UGCG: variants seen among roughly 807,000 people sequenced by gnomAD.
The protein encoded by UGCG is UDP-glucose ceramide glucosyltransferase, also known as ceramide glucosyltransferase.
In UGCG, 10 loss-of-function variants were observed where a neutral mutation model predicts 49.5. The ratio of observed to expected loss-of-function variants is 0.20; its 90% CI spans 0.12 to 0.34. The LOEUF is 0.34. Among genes scored for constraint, UGCG ranks in the 10% least tolerant of loss-of-function variants. The pLI, the probability that UGCG is intolerant of heterozygous loss-of-function variation, is 1.00. For synonymous variants in UGCG, 182 were observed against 158.2 expected, an observed-to-expected ratio of 1.15 and a Z score of -1.13; for missense variants, 312 against 483.7, an observed-to-expected ratio of 0.65 and a Z score of 3.33.
chr9:111,932,483 G>T, intron 8 of UGCG, 124 bp downstream of exon 8: 1 of 1,045,398 alleles, frequency 9.6e-7, no homozygotes, highest in South Asian at 1.9e-5. Context: ...GTTAGTCTCG[G>T]GTTTGAACAT....
At chr9:111,931,476 G>C in intron 7 of UGCG, 119 bp downstream of exon 7, 1 of 880,096 alleles carries the variant, frequency 1.1e-6, no homozygotes, top group South Asian at 1.8e-5. Context: ...TTTTTGTTTA[G>C]TTGCAGAAAA....
At chr9:111,915,242 G>C (rs2118542321) in intron 2 of UGCG, among the ~76,000 whole-genome samples, 1 of 152,250 alleles carries the variant, frequency 6.6e-6, no homozygotes, top group Non-Finnish European at 1.5e-5. Context: ...TTACTGTTCT[G>C]ATTTTAATAG....
In UGCG at chr9:111,921,700, G is replaced by A. The variant is rs1354278648; in HGVS notation, c.241-1149G>A. 2.7e-5 allele frequency among the ~76,000 whole-genome samples: 4 copies of A among 150,600 alleles called. No individual in the cohort carries two copies. In the South Asian group the frequency reaches 8.4e-4, roughly 31 times the overall value. On this transcript the variant is annotated intron_variant, in intron 2 of 8. Transcript: ENST00000374279. The stretch of plus-strand genomic sequence containing the variant: ...AATGGAAATTTAGGGGTTCAGTTCA[G>A]GATTTTATAAATCTGGCTGCATGTC...
At chr9:111,901,847 A>G (rs949898851) in intron 1 of UGCG, among the ~76,000 whole-genome samples, 2 of 152,152 alleles carry the variant, frequency 1.3e-5, no homozygotes, top group African/African-American at 4.8e-5. Context: ...ACTCGCTGGT[A>G]TCTCTAGCTG....
intron 1 of UGCG, among the ~76,000 whole-genome samples, chr9:111,909,014 G>A (rs1837944121): frequency 6.6e-6 from 1 of 152,124 alleles, no homozygotes; most frequent in Admixed American, 6.5e-5. Flanking sequence ...TGCCTCCCAG[G>A]TTCAAGTCAT....
chr9:111,925,342 A>C (rs896443437), intron 4 of UGCG, among the ~76,000 whole-genome samples: 1 of 152,254 alleles, frequency 6.6e-6, no homozygotes, highest in Non-Finnish European at 1.5e-5. Context: ...CCTTTCATAT[A>C]CTGAAATTAT....
At chr9:111,927,486 C>T (rs558304173) in intron 5 of UGCG, among the ~76,000 whole-genome samples, 1 of 151,654 alleles carries the variant, frequency 6.6e-6, no homozygotes, top group African/African-American at 2.4e-5. Context: ...GAGTCTCGCT[C>T]TGTCGCCCAG....
In UGCG at chr9:111,913,910, C is replaced by G. The variant is rs79718698; in HGVS notation, c.99-695C>G. On this transcript the variant is annotated intron_variant, in intron 1 of 8. Coordinates refer to ENST00000374279, the MANE Select transcript of UGCG (RefSeq NM_003358.3). ...CATCATTGAGTTTTTTTCTTACTTT[C>G]AGTTTCCTTCTGTTCTACCCCTGCC... 3.9e-3 allele frequency among the ~76,000 whole-genome samples: 586 copies of G among 152,188 alleles called. 3 individuals are homozygous for G. Among genetic ancestry groups the G allele is most frequent in the African/African-American group, 0.013 (530 of 41,542 alleles).
chr9:111,924,580 A>G (rs1838284344), intron 3 of UGCG, among the ~76,000 whole-genome samples, 197 bp from the exon 4 acceptor site: 2 of 152,184 alleles, frequency 1.3e-5, no homozygotes, highest in South Asian at 4.1e-4. Context: ...TCAAAGATAA[A>G]TGATACAGTT....
At chr9:111,928,642 G>C (rs1412556822) in intron 5 of UGCG, among the ~76,000 whole-genome samples, 2 of 152,144 alleles carry the variant, frequency 1.3e-5, no homozygotes, top group Non-Finnish European at 2.9e-5. Context: ...CTGGAGTCTG[G>C]GTTCAGGGTA....
At chr9:111,925,841 C>T (rs1018564392) in intron 4 of UGCG, among the ~76,000 whole-genome samples, 6 of 152,322 alleles carry the variant, frequency 3.9e-5, no homozygotes, top group South Asian at 2.1e-4. Flanking sequence ...ACAGATCTAT[C>T]AGCTGGTCAG....
At chr9:111,920,305 C>G (rs1485212201) in intron 2 of UGCG, among the ~76,000 whole-genome samples, 1 of 152,174 alleles carries the variant, frequency 6.6e-6, no homozygotes, top group African/African-American at 2.4e-5. Flanking sequence ...ATCTTATTAG[C>G]TAACCTTCTT....
rs982795125 is a variant in UGCG, at chr9:111,933,860, G to T, written c.*863G>T. 2.0e-5 allele frequency: 3 copies of T among 152,078 alleles called. No homozygotes were observed. Among genetic ancestry groups the T allele is most frequent in the South Asian group, 2.1e-4 (1 of 4,826 alleles). 9.4% of individuals were successfully genotyped at this position (152,078 alleles called of 1,614,324 possible). ...CTTCCCTTAACATTTTTTCAGGGGG[G>T]GTTGGGAGTGGTTTCATTTTAGTGT... On this transcript the variant is annotated 3_prime_UTR_variant, in exon 9 of 9. Coordinates refer to ENST00000374279, the MANE Select transcript of UGCG (RefSeq NM_003358.3).
In UGCG at chr9:111,906,172, A is replaced by G. The variant is rs565699569; in HGVS notation, c.99-8433A>G. 2.6e-5 allele frequency among the ~76,000 whole-genome samples: 4 copies of G among 152,148 alleles called. No individual in the cohort carries two copies. In the East Asian group the frequency reaches 7.7e-4, roughly 29 times the overall value. On this transcript the variant is annotated intron_variant, in intron 1 of 8. Transcript: ENST00000374279. ...GCAAACCTCTGGTCTCCTAGATGAG[A>G]TGTCACCACTTGATGTCTTGAGAGT... is the stretch of plus-strand genomic sequence containing the variant.
chr9:111,911,567 C>T (rs77867855), intron 1 of UGCG, among the ~76,000 whole-genome samples: 3,596 of 152,054 alleles, frequency 0.024, 49 homozygotes, highest in South Asian at 0.031. Flanking sequence ...ATCAGACCCT[C>T]TTAATATTTT....
chr9:111,910,399 C>T (rs1837974248), intron 1 of UGCG, among the ~76,000 whole-genome samples: 1 of 152,174 alleles, frequency 6.6e-6, no homozygotes, highest in Non-Finnish European at 1.5e-5. Context: ...TTTAGACCTT[C>T]TTATTCTGTC....
intron 5 of UGCG, among the ~76,000 whole-genome samples, chr9:111,927,596 T>C (rs1001050733): frequency 2.6e-5 from 4 of 152,012 alleles, no homozygotes; most frequent in Non-Finnish European, 4.4e-5. Context: ...GGACTACAGG[T>C]GCCCGCCACC....
chr9:111,924,130 T>C (rs7467067), intron 3 of UGCG, among the ~76,000 whole-genome samples: 114,042 of 152,110 alleles, frequency 0.75, 43,821 homozygotes, highest in East Asian at 0.92. Flanking sequence ...AATATAATCT[T>C]ACTGTATTTA....
chr9:111,926,736 T>C (rs1052608948), intron 5 of UGCG, among the ~76,000 whole-genome samples: 1 of 152,124 alleles, frequency 6.6e-6, no homozygotes, highest in African/African-American at 2.4e-5. Flanking sequence ...TGCGGTCTTA[T>C]TGCCAGCTGA....
Sources: allele counts gnomAD v4.1 joint callset (sites outside exome capture counted in the v4.1 genomes callset), GRCh38; gene constraint gnomAD v4.1.1; transcripts MANE v1.5; gene names NCBI Gene and HGNC (gene_info 2026-07-23, HGNC 2026-07-21).